The following USH2A variants were observed in gnomAD, a reference collection of about 807,000 sequenced individuals.
The protein encoded by USH2A is usherin.
USH2A carries 443 observed loss-of-function variants against 538.9 expected under a neutral mutation model. That is an observed-to-expected ratio of 0.82 (90% CI 0.76 to 0.89). The LOEUF is 0.89. USH2A is among the 40% of genes least tolerant of loss of function. The probability of loss-of-function intolerance (pLI) is 0.00; values close to 1 mark genes in which losing one functional copy is unlikely to be tolerated. For missense variants in USH2A, 6,633 were observed against 6,324.8 expected, an observed-to-expected ratio of 1.05 and a Z score of -1.65; for synonymous variants, 2,413 against 2,273.5, an observed-to-expected ratio of 1.06 and a Z score of -1.75.
At chr1:215,860,994 T>C (rs1331254237) in intron 44 of USH2A, among the ~76,000 whole-genome samples, 1 of 152,218 alleles carries the variant, frequency 6.6e-6, no homozygotes, top group Non-Finnish European at 1.5e-5. Flanking sequence ...CTTGGAAAAT[T>C]TGAGCTTGTC....
intron 46 of USH2A, among the ~76,000 whole-genome samples, chr1:215,842,222 G>T (rs1318202594): frequency 6.6e-6 from 1 of 152,100 alleles, no homozygotes; most frequent in Non-Finnish European, 1.5e-5. Flanking sequence ...CAACATAACT[G>T]ATCATTACAG....
chr1:216,173,494 T>G (rs1183094264), intron 21 of USH2A, among the ~76,000 whole-genome samples: 4 of 152,160 alleles, frequency 2.6e-5, no homozygotes, highest in Non-Finnish European at 4.4e-5. Flanking sequence ...TGGTGTGTAC[T>G]CCAAGCATAT....
intron 37 of USH2A, among the ~76,000 whole-genome samples, chr1:215,944,002 T>C (rs1445722145): frequency 1.3e-5 from 2 of 152,308 alleles, no homozygotes; most frequent in East Asian, 3.9e-4. Context: ...TGTTTTTCTG[T>C]ATTACATAGA....
At chr1:216,032,008 T>C (rs1440369280) in intron 32 of USH2A, among the ~76,000 whole-genome samples, 3 of 152,204 alleles carry the variant, frequency 2.0e-5, no homozygotes, top group Non-Finnish European at 2.9e-5. Flanking sequence ...TTACAGAATT[T>C]ACCACAGGTT....
intron 22 of USH2A, among the ~76,000 whole-genome samples, chr1:216,095,811 A>G (rs2032428451): frequency 3.3e-5 from 5 of 152,134 alleles, no homozygotes; most frequent in Admixed American, 3.3e-4. Flanking sequence ...TCTAAGGTCA[A>G]TGGATCTCCA....
chr1:215,729,485 T>G (rs1435240215), intron 60 of USH2A, among the ~76,000 whole-genome samples: 2 of 152,212 alleles, frequency 1.3e-5, no homozygotes, highest in African/African-American at 4.8e-5. Context: ...TATATGCCCA[T>G]CATTGTATTA....
chr1:215,773,590 A>G (rs1043989299), intron 55 of USH2A, among the ~76,000 whole-genome samples: 2 of 150,146 alleles, frequency 1.3e-5, no homozygotes, highest in Non-Finnish European at 3.0e-5. Context: ...CTTCTATTAA[A>G]CTTTCCACTC....
At chr1:215,791,015 A>G (rs1267354027) in intron 50 of USH2A, among the ~76,000 whole-genome samples, 2 of 152,206 alleles carry the variant, frequency 1.3e-5, no homozygotes, top group African/African-American at 2.4e-5. Context: ...TGATCCCCAC[A>G]TCTAAACGAA....
intron 61 of USH2A, among the ~76,000 whole-genome samples, chr1:215,723,681 C>T (rs1659726197): frequency 6.6e-6 from 1 of 152,114 alleles, no homozygotes; most frequent in Non-Finnish European, 1.5e-5. Context: ...AGAATTTTAG[C>T]CAGAGTGGCC....
chr1:215,642,050 A>C (rs1488307945), intron 67 of USH2A, among the ~76,000 whole-genome samples: 1 of 152,220 alleles, frequency 6.6e-6, no homozygotes, highest in Non-Finnish European at 1.5e-5. Flanking sequence ...AACAGCACAG[A>C]TAAAGAAACA....
chr1:216,324,398 CCAT>C (rs1460580087), intron 6 of USH2A, 46 bp from the exon 7 acceptor site: 2 of 1,503,980 alleles, frequency 1.3e-6, no homozygotes, highest in Non-Finnish European at 1.8e-6. Flanking sequence ...TTAAGTTTAA[CCAT>C]CAGTATATAT....
chr1:215,785,792 T>C (rs184783338), intron 52 of USH2A, among the ~76,000 whole-genome samples: 1 of 152,316 alleles, frequency 6.6e-6, no homozygotes, highest in East Asian at 1.9e-4. Flanking sequence ...CTCTTGAGGT[T>C]AGCCATTATT....
chr1:216,308,114 CTTCT>C (rs1022956877), intron 9 of USH2A, among the ~76,000 whole-genome samples: 13 of 151,966 alleles, frequency 8.6e-5, no homozygotes, highest in African/African-American at 3.1e-4. Flanking sequence ...TTATCAGTTT[CTTCT>C]TTCTATTTGT....
chr1:215,993,953 C>T (rs1472774486), intron 34 of USH2A, among the ~76,000 whole-genome samples: 1 of 152,086 alleles, frequency 6.6e-6, no homozygotes, highest in African/African-American at 2.4e-5. Flanking sequence ...ATGTTTTAAA[C>T]TTACTGGACA....
At chr1:216,088,537 C>T (rs1178037851) in intron 23 of USH2A, among the ~76,000 whole-genome samples, 4 of 152,118 alleles carry the variant, frequency 2.6e-5, no homozygotes, top group African/African-American at 9.7e-5. Context: ...ATAAATGTGG[C>T]AGATAGGGTA....
chr1:216,217,833 A>T (rs191282606), intron 14 of USH2A, among the ~76,000 whole-genome samples: 3 of 152,262 alleles, frequency 2.0e-5, no homozygotes, highest in Admixed American at 2.0e-4. Context: ...TACATCCCAC[A>T]ATATATCTTA....
At chr1:215,686,320 G>A (rs1444856222) in intron 61 of USH2A, among the ~76,000 whole-genome samples, 1 of 152,064 alleles carries the variant, frequency 6.6e-6, no homozygotes, top group African/African-American at 2.4e-5. Context: ...AAGAAAGGGG[G>A]TGAGGACTTG....
chr1:216,272,902 A>G (rs1383620489), intron 11 of USH2A, among the ~76,000 whole-genome samples: 1 of 152,104 alleles, frequency 6.6e-6, no homozygotes, highest in Non-Finnish European at 1.5e-5. Context: ...TAGGCAGTAA[A>G]AGTCAAAAGA....
At chr1:216,368,581 G>T (rs1300050110) in intron 3 of USH2A, among the ~76,000 whole-genome samples, 1 of 152,144 alleles carries the variant, frequency 6.6e-6, no homozygotes, top group Non-Finnish European at 1.5e-5. Flanking sequence ...GTGGCCCTAT[G>T]AGCTACACCA....
Sources: gnomAD v4.1 joint callset for allele counts (sites outside exome capture counted in the v4.1 genomes callset) on GRCh38, gnomAD v4.1.1 for gene constraint, MANE v1.5 for transcripts, NCBI Gene and HGNC (gene_info 2026-07-23, HGNC 2026-07-21) for gene names.